MYO19: variants seen among roughly 807,000 people sequenced by gnomAD.
MYO19 encodes myosin XIX, also known as unconventional myosin-XIX.
In MYO19, 132 loss-of-function variants were observed where a neutral mutation model predicts 129.2. The observed-to-expected ratio is 1.02, with a 90% CI of 0.89 to 1.18. The LOEUF (loss-of-function observed/expected upper bound fraction) is 1.18. Among genes scored for constraint, MYO19 ranks in the 50% most tolerant of loss-of-function variants. The pLI is 0.00. For missense variants in MYO19, 1,210 were observed against 1,216.7 expected (o/e 0.99, Z 0.08); for synonymous variants, 531 against 477.2 (o/e 1.11, Z -1.47).
upstream of MYO19, chr17:36,539,142 A>G (rs2074181687): frequency 6.0e-6 from 1 of 167,152 alleles, no homozygotes; most frequent in African/African-American, 2.4e-5. Context: ...GTAGTATTTT[A>G]AAGAAACTTT....
intron 6 of MYO19, among the ~76,000 whole-genome samples, chr17:36,524,978 G>C (rs2073372284): frequency 6.6e-6 from 1 of 152,224 alleles, no homozygotes; most frequent in Admixed American, 6.5e-5. Context: ...ATAAGGCTTA[G>C]AAAGGAAACT....
chr17:36,521,518 AG>A (rs2073129043), intron 6 of MYO19, among the ~76,000 whole-genome samples: 1 of 152,220 alleles, frequency 6.6e-6, no homozygotes, highest in African/African-American at 2.4e-5. Context: ...AAGTTCCAGA[AG>A]GAGAAAACAG....
chr17:36,513,200 C>T (rs549179411), intron 11 of MYO19: 2 of 1,426,574 alleles, frequency 1.4e-6, no homozygotes, highest in East Asian at 5.0e-5. Context: ...TTACTGCATT[C>T]TGTACTCTAG....
chr17:36,530,436 T>C (rs2073760696), intron 3 of MYO19, among the ~76,000 whole-genome samples: 1 of 151,454 alleles, frequency 6.6e-6, no homozygotes, highest in Non-Finnish European at 1.5e-5. Context: ...TTAGCTATTC[T>C]TCTTCTAAAA....
rs374908219 is a variant in MYO19, at chr17:36,511,928, G to A, written c.895-473C>T. Among the ~76,000 whole-genome samples the A allele has an allele frequency of 7.4e-4, 112 of 152,290 alleles. 1 individual carries two copies. Among genetic ancestry groups the A allele is most frequent in the Middle Eastern group, 6.8e-3 (2 of 294 alleles). On this transcript the variant is annotated intron_variant, in intron 11 of 25. Coordinates refer to ENST00000614623, the MANE Select transcript of MYO19 (RefSeq NM_001163735.2). ...GCTTCTGAGAGCCCAGCCTGCTGGA[G>A]GCACTGTGACCTTGGTCTGTGTCCG...
intron 6 of MYO19, among the ~76,000 whole-genome samples, chr17:36,517,163 G>GT (rs1355124400): frequency 6.6e-6 from 1 of 152,090 alleles, no homozygotes; most frequent in Non-Finnish European, 1.5e-5. Flanking sequence ...ATCTTAATCT[G>GT]TAAGATCTAT....
chr17:36,507,210 C>T, intron 16 of MYO19, 71 bp from the exon 17 acceptor site: 1 of 1,552,568 alleles, frequency 6.4e-7, no homozygotes, highest in Non-Finnish European at 8.8e-7. Flanking sequence ...TGTCCCCACC[C>T]TGTGGACCCC....
At chr17:36,499,249 G>T in intron 23 of MYO19, 89 bp from the exon 24 acceptor site, 5 of 875,716 alleles carry the variant, frequency 5.7e-6, no homozygotes, top group Admixed American at 2.8e-5. Flanking sequence ...CACAGTTGCT[G>T]TCAAAGTTTC....
chr17:36,512,317 A>C (rs1045437834), intron 11 of MYO19, among the ~76,000 whole-genome samples: 3 of 151,100 alleles, frequency 2.0e-5, no homozygotes, highest in Admixed American at 2.0e-4. Context: ...TGAACCCGGG[A>C]AGAGGAGGTT....
chr17:36,540,994 AT>A lies in MYO19; in HGVS notation n.395+1086del, dbSNP rs1042955357. Among the ~76,000 whole-genome samples the A allele has an allele frequency of 6.6e-4, 97 of 147,164 alleles. 2 individuals are homozygous for A. The South Asian group carries it at 0.011, about 17-fold the overall frequency. On this transcript the variant is annotated intron_variant and non_coding_transcript_variant, in intron 2 of 2. Coordinates refer to the MYO19 transcript ENST00000610496. The stretch of plus-strand genomic sequence containing the variant: ...TCAGAAAGTGACTCCCATAATTTTA[AT>A]TTTTTTTTTTTGAGGCGCAGTCTTG...
At chr17:36,529,005 T>C (rs981807302) in intron 3 of MYO19, among the ~76,000 whole-genome samples, 2 of 152,170 alleles carry the variant, frequency 1.3e-5, no homozygotes, top group Non-Finnish European at 2.9e-5. Context: ...CATGTCTTCA[T>C]CACCTGCCTT....
At chr17:36,516,030 C>T in intron 6 of MYO19, 40 bp from the exon 7 acceptor site, 1 of 1,575,264 alleles carries the variant, frequency 6.3e-7, no homozygotes, top group Non-Finnish European at 8.6e-7. Context: ...TATCTATGCT[C>T]CCGCCCACTT....
At chr17:36,538,251 C>T, upstream of MYO19, 3 of 1,613,278 alleles carry the variant, frequency 1.9e-6, no homozygotes, top group Non-Finnish European at 2.5e-6. Context: ...TAGCCTGATC[C>T]TTCTTAGTAG....
chr17:36,512,196 A>AACACACACACACAC (rs57765074), intron 11 of MYO19, among the ~76,000 whole-genome samples: 104 of 138,206 alleles, frequency 7.5e-4, no homozygotes, highest in African/African-American at 1.5e-3. Context: ...ACTAAAAATA[A>AACACACACACACAC]ACACACACAC....
At chr17:36,516,046 C>A (rs972842840) in intron 6 of MYO19, 56 bp from the exon 7 acceptor site, 3 of 1,538,436 alleles carry the variant, frequency 2.0e-6, no homozygotes, top group African/African-American at 1.4e-5. Flanking sequence ...CACTTCTGAG[C>A]CTGCCTGAGA....
intron 6 of MYO19, among the ~76,000 whole-genome samples, chr17:36,522,929 C>T (rs1202050785): frequency 1.3e-5 from 2 of 151,396 alleles, no homozygotes; most frequent in Non-Finnish European, 2.9e-5. Context: ...TGGTGTGAAC[C>T]CGGGAGGCAG....
Position 36,498,321 on chromosome 17 carries a change from G to A in MYO19, c.2702C>T (p.Thr901Ile). 1 of 1,613,998 alleles carries A rather than the reference G, an allele frequency of 6.2e-7. No individual in the cohort carries two copies. ...AGCCTGGTCTTGTGCTGTCTGGACA[G>A]TGTAGCTACTGGGGCTGCCCCTGGG... ...QLPRGSPSSYTVQTAQDQAGV... is the reference protein window; with the variant it reads ...QLPRGSPSSYIVQTAQDQAGV... Residue 901 changes from threonine to isoleucine, a missense_variant, in exon 25 of 26, where the codon ACT (threonine) becomes ATT (isoleucine). Physicochemically the swap from Thr to Ile is moderately conservative, Grantham distance 89 (BLOSUM62 -1). Transcript: ENST00000614623.
chr17:36,523,337 C>A (rs2073266280), intron 6 of MYO19, among the ~76,000 whole-genome samples: 1 of 152,100 alleles, frequency 6.6e-6, no homozygotes, highest in African/African-American at 2.4e-5. Context: ...CAGCAGGCAC[C>A]AATCCAGACA....
chr17:36,495,713 A>AG lies in MYO19; in HGVS notation c.*537_*538insC, dbSNP rs2070907279. The AG allele has an allele frequency of 1.6e-6, 2 of 1,252,340 alleles. No homozygotes were observed. Among genetic ancestry groups the AG allele is most frequent in the East Asian group, 6.1e-5 (2 of 32,798 alleles). 77.6% of individuals were successfully genotyped at this position (1,252,340 alleles called of 1,614,324 possible). A position where few individuals can be genotyped will look rare whatever the true frequency, so the allele number is the denominator to read the frequency against. ...TCAAGCTTACACTTCATATGGAGTT[A>AG]AACTTGGTCAGTGTTAATAAAATCA... is the stretch of plus-strand genomic sequence containing the variant. On this transcript the variant is annotated 3_prime_UTR_variant, in exon 26 of 26. Coordinates refer to ENST00000614623, the MANE Select transcript of MYO19 (RefSeq NM_001163735.2).
Sources: allele counts gnomAD v4.1 joint callset (sites outside exome capture counted in the v4.1 genomes callset), GRCh38; gene constraint gnomAD v4.1.1; transcripts MANE v1.5; gene names NCBI Gene and HGNC (gene_info 2026-07-23, HGNC 2026-07-21).